The following ZMIZ1 variants were observed in gnomAD, a reference collection of about 807,000 sequenced individuals.
ZMIZ1 encodes zinc finger MIZ domain-containing protein 1.
Under a neutral mutation model 113.9 loss-of-function variants are expected in ZMIZ1, and 17 were observed. The ratio of observed to expected loss-of-function variants is 0.15; its 90% CI spans 0.10 to 0.22. The LOEUF is 0.22. Among genes scored for constraint, ZMIZ1 ranks in the 10% least tolerant of loss-of-function variants. The pLI is 1.00. For missense variants in ZMIZ1, 1,059 were observed against 1,477.8 expected (o/e 0.72, Z 4.65); for synonymous variants, 607 against 603.1 (o/e 1.01, Z -0.09).
chr10:79,281,867 G>A (rs887656608), intron 8 of ZMIZ1, among the ~76,000 whole-genome samples: 3 of 152,238 alleles, frequency 2.0e-5, no homozygotes, highest in African/African-American at 7.2e-5. Context: ...ATATTAAACA[G>A]CGCACAGGGC....
chr10:79,152,424 C>T lies in ZMIZ1; in HGVS notation c.-130-9629C>T, dbSNP rs193234911. ...TTGAGGTGGGAGGATCGCTTGAGCCCAGGAGGTCGAAGCTACAGTGATCAG... is the reference window on the plus strand; with the variant it reads ...TTGAGGTGGGAGGATCGCTTGAGCCTAGGAGGTCGAAGCTACAGTGATCAG... On this transcript the variant is annotated intron_variant, in intron 3 of 24. Coordinates refer to ENST00000334512, the MANE Select transcript of ZMIZ1 (RefSeq NM_020338.4). Among the ~76,000 whole-genome samples, 63 of 152,268 alleles carry T rather than the reference C, an allele frequency of 4.1e-4. 1 individual carries two copies. Among genetic ancestry groups the T allele is most frequent in the Middle Eastern group, 3.4e-3 (1 of 294 alleles).
chr10:79,091,624 G>A (rs1010972818), intron 1 of ZMIZ1, among the ~76,000 whole-genome samples: 1 of 152,146 alleles, frequency 6.6e-6, no homozygotes, highest in Non-Finnish European at 1.5e-5. Context: ...CACTGAGGAT[G>A]GAGAGGCTTT....
chr10:79,253,442 C>T (rs1286748746), intron 7 of ZMIZ1, among the ~76,000 whole-genome samples: 2 of 152,142 alleles, frequency 1.3e-5, no homozygotes, highest in Non-Finnish European at 2.9e-5. Context: ...TTGGGGCTTA[C>T]GGGTACCTGC....
chr10:79,077,980 C>T (rs1842530624), intron 1 of ZMIZ1, among the ~76,000 whole-genome samples: 1 of 152,184 alleles, frequency 6.6e-6, no homozygotes, highest in African/African-American at 2.4e-5. Context: ...CTGCTGGCAC[C>T]TAGGCTTCCT....
intron 1 of ZMIZ1, among the ~76,000 whole-genome samples, chr10:79,077,589 G>T (rs2132170203): frequency 6.6e-6 from 1 of 152,272 alleles, no homozygotes; most frequent in East Asian, 1.9e-4. Flanking sequence ...CTTGCCAAAG[G>T]TCTGCCATAA....
intron 2 of ZMIZ1, among the ~76,000 whole-genome samples, chr10:79,126,235 A>C (rs1006431802): frequency 9.2e-5 from 14 of 152,208 alleles, no homozygotes; most frequent in Non-Finnish European, 2.1e-4. Context: ...GTCAGGGCCT[A>C]GTGTGAGGCT....
At chr10:79,286,606 C>T (rs1166037944) in intron 8 of ZMIZ1, among the ~76,000 whole-genome samples, 1 of 152,268 alleles carries the variant, frequency 6.6e-6, no homozygotes, top group African/African-American at 2.4e-5. Context: ...TGCCTGCGTG[C>T]ATCTTTGCTC....
intron 2 of ZMIZ1, among the ~76,000 whole-genome samples, chr10:79,119,244 T>C (rs541843973): frequency 1.3e-5 from 2 of 152,276 alleles, no homozygotes; most frequent in South Asian, 2.1e-4. Context: ...GACCTGGACA[T>C]GGGATTTTAT....
At chr10:79,159,110 G>C (rs922797199) in intron 3 of ZMIZ1, among the ~76,000 whole-genome samples, 47 of 152,214 alleles carry the variant, frequency 3.1e-4, no homozygotes, top group African/African-American at 1.1e-3. Context: ...TGGGGAGATT[G>C]GGTGGGCTTC....
chr10:79,279,587 C>T (rs1000307060), intron 8 of ZMIZ1, among the ~76,000 whole-genome samples: 6 of 152,208 alleles, frequency 3.9e-5, no homozygotes, highest in African/African-American at 9.7e-5. Flanking sequence ...GCTGCAATCT[C>T]GGCACTTTGG....
chr10:79,255,064 T>C (rs947974043), intron 7 of ZMIZ1, among the ~76,000 whole-genome samples: 3 of 152,184 alleles, frequency 2.0e-5, no homozygotes, highest in Non-Finnish European at 4.4e-5. Flanking sequence ...GTGGCCGCCC[T>C]GGGAGACGTT....
At position 79,289,859 on chromosome 10, in the gene ZMIZ1, T is replaced by C. The variant is rs1338770064; in HGVS notation, c.510T>C (p.Val170=). Residue 170 remains valine (V), a synonymous_variant, in exon 9 of 25, where the codon GTT becomes GTC. Coordinates refer to ENST00000334512, the MANE Select transcript of ZMIZ1 (RefSeq NM_020338.4). ...PPGSLSVVTT[V]WGVTNTSQSQ... ...GCTCCCTTTCCGTGGTCACCACGGT[T>C]TGGGGAGTAACCAACACATCCCAGA... is the stretch of plus-strand genomic sequence containing the variant. 3.1e-6 allele frequency: 5 copies of C among 1,613,946 alleles called. No individual in the cohort carries two copies. Among genetic ancestry groups the C allele is most frequent in the Non-Finnish European group, 4.2e-6 (5 of 1,179,928 alleles).
At chr10:79,283,995 A>G (rs1852901838) in intron 8 of ZMIZ1, among the ~76,000 whole-genome samples, 2 of 152,212 alleles carry the variant, frequency 1.3e-5, no homozygotes, top group African/African-American at 2.4e-5. Flanking sequence ...GAGTCTGACA[A>G]TACCCTTAAT....
At chr10:79,081,243 G>C (rs1304572001) in intron 1 of ZMIZ1, among the ~76,000 whole-genome samples, 1 of 152,188 alleles carries the variant, frequency 6.6e-6, no homozygotes, top group Non-Finnish European at 1.5e-5. Flanking sequence ...TATCCTCGGA[G>C]ACTTCTCTCT....
At chr10:79,301,399 T>C (rs1854292357) in intron 17 of ZMIZ1, among the ~76,000 whole-genome samples, 1 of 151,770 alleles carries the variant, frequency 6.6e-6, no homozygotes, top group South Asian at 2.1e-4. Context: ...AACCCCCTTG[T>C]CTTAGAGTCA....
At chr10:79,095,878 C>T (rs1423708939) in intron 1 of ZMIZ1, among the ~76,000 whole-genome samples, 3 of 152,210 alleles carry the variant, frequency 2.0e-5, no homozygotes, top group East Asian at 1.9e-4. Flanking sequence ...CAGACAGCAG[C>T]GCTAAAGGCA....
intron 2 of ZMIZ1, among the ~76,000 whole-genome samples, chr10:79,131,513 G>A (rs917271329): frequency 6.6e-6 from 1 of 152,132 alleles, no homozygotes; most frequent in African/African-American, 2.4e-5. Flanking sequence ...CAATTCCATT[G>A]CAGAGTTTTT....
At chr10:79,246,271 C>G (rs536861900) in intron 7 of ZMIZ1, among the ~76,000 whole-genome samples, 2 of 152,240 alleles carry the variant, frequency 1.3e-5, no homozygotes, top group Non-Finnish European at 2.9e-5. Context: ...CAGGAGCAGC[C>G]TCAGACCTCC....
At chr10:79,274,844 C>T (rs1852169128) in intron 7 of ZMIZ1, among the ~76,000 whole-genome samples, 1 of 152,232 alleles carries the variant, frequency 6.6e-6, no homozygotes, top group African/African-American at 2.4e-5. Flanking sequence ...AGGACAAGGG[C>T]TGTCCTTGGC....
Sources: gnomAD v4.1 joint callset for allele counts (sites outside exome capture counted in the v4.1 genomes callset) on GRCh38, gnomAD v4.1.1 for gene constraint, MANE v1.5 for transcripts, NCBI Gene and HGNC (gene_info 2026-07-23, HGNC 2026-07-21) for gene names.